The following EML5 variants were observed in gnomAD, a reference collection of about 807,000 sequenced individuals.
EML5 encodes echinoderm microtubule-associated protein-like 5.
A neutral mutation model predicts 250.0 loss-of-function variants in EML5; 120 were observed. The observed-to-expected ratio is 0.48, with a 90% CI of 0.41 to 0.56. The LOEUF (loss-of-function observed/expected upper bound fraction) is 0.56, where lower values mean the gene tolerates loss of function less well. Among genes scored for constraint, EML5 ranks in the 20% least tolerant of loss-of-function variants. The probability of loss-of-function intolerance (pLI) is 0.00; values close to 1 mark genes in which losing one functional copy is unlikely to be tolerated. For missense variants in EML5, 2,006 were observed against 2,437.6 expected, an observed-to-expected ratio of 0.82 and a Z score of 3.73; for synonymous variants, 771 against 806.5, an observed-to-expected ratio of 0.96 and a Z score of 0.75.
intron 5 of EML5, 79 bp from the exon 6 acceptor site, chr14:88,739,093 A>G: frequency 3.8e-6 from 5 of 1,321,938 alleles, no homozygotes; most frequent in Non-Finnish European, 5.1e-6. Flanking sequence ...ACCCTTTTAA[A>G]CCAATTTAAC....
chr14:88,633,085 G>A (rs1346196395), intron 33 of EML5, among the ~76,000 whole-genome samples: 1 of 152,138 alleles, frequency 6.6e-6, no homozygotes, highest in Non-Finnish European at 1.5e-5. Flanking sequence ...TGCTGAATGT[G>A]TGGGAAGTCT....
chr14:88,712,387 T>C lies in EML5; in HGVS notation c.1541A>G (p.Lys514Arg). 1 of 1,613,650 alleles carries C rather than the reference T, an allele frequency of 6.2e-7. No homozygotes were observed. The highest frequency in any genetic ancestry group is 8.5e-7 in the Non-Finnish European group (1 of 1,179,708). ...SGLEVNGIWP[K>R]YSDINDINSV... ...ATTTATATCGTTGATATCTGAATACTTGGGCCAAATTCCATTTACTTCAAG... is the reference window on the plus strand; with the variant it reads ...ATTTATATCGTTGATATCTGAATACCTGGGCCAAATTCCATTTACTTCAAG... The change falls in exon 10 of 44, where the codon AAG becomes AGG. Residue 514 changes from lysine to arginine, a missense_variant. Coordinates refer to ENST00000554922, the MANE Select transcript of EML5 (RefSeq NM_183387.3).
At chr14:88,713,389 C>T (rs1472032393) in intron 9 of EML5, among the ~76,000 whole-genome samples, 1 of 81,634 alleles carries the variant, frequency 1.2e-5, no homozygotes, top group Admixed American at 1.3e-4. Context: ...GAAACTCCGT[C>T]TCAAAAAAAA....
Position 88,764,510 on chromosome 14 carries a change from G to C in EML5, c.198-9839C>G, listed in dbSNP as rs183826630. ...CTCTTTTTTATTCTTGGTCAGCCTA[G>C]CTAGAAGTTTATCAATCTGATCCTT... On this transcript the variant is annotated intron_variant, in intron 1 of 43. Coordinates refer to ENST00000554922, the MANE Select transcript of EML5 (RefSeq NM_183387.3). Among the ~76,000 whole-genome samples, 45 of 152,166 alleles carry C rather than the reference G, an allele frequency of 3.0e-4. 1 individual carries two copies. In the East Asian group the frequency reaches 8.7e-3, roughly 29 times the overall value.
chr14:88,661,315 G>T (rs1035424299), intron 25 of EML5, among the ~76,000 whole-genome samples: 1 of 152,104 alleles, frequency 6.6e-6, no homozygotes, highest in African/African-American at 2.4e-5. Flanking sequence ...GGCCTGAAAC[G>T]CCTGGCCTCA....
chr14:88,725,975 C>T (rs753408666), intron 8 of EML5, among the ~76,000 whole-genome samples: 9 of 152,148 alleles, frequency 5.9e-5, no homozygotes, highest in Non-Finnish European at 8.8e-5. Context: ...AGAAAGACTT[C>T]GTAAGTACTT....
At chr14:88,728,204 T>A (rs2093696029) in intron 7 of EML5, among the ~76,000 whole-genome samples, 1 of 149,850 alleles carries the variant, frequency 6.7e-6, no homozygotes, top group Non-Finnish European at 1.5e-5. Context: ...TACAGACTTT[T>A]TTTTTTTGTC....
chr14:88,770,578 A>G (rs2094381091), intron 1 of EML5, among the ~76,000 whole-genome samples: 1 of 152,134 alleles, frequency 6.6e-6, no homozygotes, highest in African/African-American at 2.4e-5. Flanking sequence ...AATATTGGAT[A>G]GGAGCTGAAT....
At chr14:88,725,657 C>T (rs1253191798) in intron 8 of EML5, among the ~76,000 whole-genome samples, 1 of 152,094 alleles carries the variant, frequency 6.6e-6, no homozygotes, top group Non-Finnish European at 1.5e-5. Context: ...AAGAAGAAAG[C>T]ACACAATGTG....
intron 21 of EML5, among the ~76,000 whole-genome samples, chr14:88,677,887 T>C (rs2092631448): frequency 6.6e-6 from 1 of 152,104 alleles, no homozygotes; most frequent in African/African-American, 2.4e-5. Flanking sequence ...AGACGGTGAT[T>C]CTTCAAAGAC....
At chr14:88,699,590 T>C (rs1195101111) in intron 14 of EML5, among the ~76,000 whole-genome samples, 2 of 151,990 alleles carry the variant, frequency 1.3e-5, no homozygotes, top group Non-Finnish European at 2.9e-5. Context: ...GAAAAATGGA[T>C]AGAGGAAAAA....
chr14:88,767,357 C>A (rs2094333965), intron 1 of EML5, among the ~76,000 whole-genome samples: 1 of 152,086 alleles, frequency 6.6e-6, no homozygotes, highest in Admixed American at 6.5e-5. Flanking sequence ...TCAACTATAC[C>A]CTTATGAAGA....
At chr14:88,790,530 C>G (rs112745643) in intron 1 of EML5, among the ~76,000 whole-genome samples, 11 of 152,284 alleles carry the variant, frequency 7.2e-5, no homozygotes, top group African/African-American at 1.9e-4. Flanking sequence ...TAAATCATAT[C>G]TAGTTTCAGA....
intron 19 of EML5, among the ~76,000 whole-genome samples, chr14:88,686,168 T>C (rs561354808): frequency 6.6e-6 from 1 of 151,740 alleles, no homozygotes; most frequent in South Asian, 2.1e-4. Flanking sequence ...ATTTGAAAAA[T>C]AAGTATGTTG....
At chr14:88,700,784 C>T (rs578040034) in intron 14 of EML5, among the ~76,000 whole-genome samples, 3 of 152,226 alleles carry the variant, frequency 2.0e-5, no homozygotes, top group South Asian at 4.1e-4. Flanking sequence ...AAGGTTAGAT[C>T]GTAAACCATT....
rs769069158 is a variant in EML5 at position 88,726,565 on chromosome 14, C to T, written c.1163G>A (p.Gly388Asp). ...CCTTACTCTAAGTACAGTGAATGAG[C>T]CATCCTTCATTCCAAGGGCAAGATG... ...GIHLALGMKD[G>D]SFTVLRVRDM... is the part of the protein sequence containing the mutation. Residue 388 changes from glycine to aspartate, a missense_variant, in exon 8 of 44, where the codon GGC (glycine) becomes GAC (aspartate). Transcript: ENST00000554922. The T allele has an allele frequency of 6.2e-7, 1 of 1,605,488 alleles. No homozygotes were observed. The highest frequency in any genetic ancestry group is 8.5e-7 in the Non-Finnish European group (1 of 1,175,630).
chr14:88,617,158 T>A (rs960965862), intron 41 of EML5: 1 of 217,718 alleles, frequency 4.6e-6, no homozygotes, highest in Admixed American at 5.2e-5. Context: ...TTCTTTTTTT[T>A]TTTTTGAGAC....
chr14:88,702,391 T>C, intron 14 of EML5, 55 bp downstream of exon 14: 1 of 1,386,630 alleles, frequency 7.2e-7, no homozygotes. Context: ...TTAATTTATT[T>C]AAACTCAAAC....
At chr14:88,778,715 G>A (rs2094469939) in intron 1 of EML5, among the ~76,000 whole-genome samples, 1 of 152,200 alleles carries the variant, frequency 6.6e-6, no homozygotes, top group Non-Finnish European at 1.5e-5. Flanking sequence ...GGAAGCGGAG[G>A]TTGCAGTGAG....
Sources: gnomAD v4.1 joint callset for allele counts (sites outside exome capture counted in the v4.1 genomes callset) on GRCh38, gnomAD v4.1.1 for gene constraint, MANE v1.5 for transcripts, NCBI Gene and HGNC (gene_info 2026-07-23, HGNC 2026-07-21) for gene names.